MYO16: variants seen among roughly 807,000 people sequenced by gnomAD.
The protein encoded by MYO16 is unconventional myosin-XVI.
In MYO16, 94 loss-of-function variants were observed where a neutral mutation model predicts 205.3. That is an observed-to-expected ratio of 0.46 (90% CI 0.39 to 0.54). The LOEUF is 0.54. Ranked by LOEUF, MYO16 falls within the 20% of genes least tolerant of loss-of-function variation. MYO16 has a pLI of 0.00. For missense variants in MYO16, 2,315 were observed against 2,387.5 expected (o/e 0.97, Z 0.63); for synonymous variants, 988 against 954.0 (o/e 1.04, Z -0.66).
In MYO16 at chr13:109,141,047, G is replaced by A; in HGVS notation, c.4835G>A (p.Cys1612Tyr). The change falls in exon 32 of 35, where the codon TGC becomes TAC. Residue 1612 changes from cysteine (C) to tyrosine (Y), a missense_variant. Transcript: ENST00000457511. This position sits in a 1 kb window ranked among gnomAD's most constrained non-coding sequence, Gnocchi z 4.1. ...PGPPPAPYRP[C>Y]AHLAFPPEPA... ...CCGCCCCCCGCGCCCTACAGGCCCT[G>A]CGCGCACTTGGCCTTCCCGCCGGAG... is the stretch of plus-strand genomic sequence containing the variant. 4.3e-6 allele frequency: 6 copies of A among 1,397,980 alleles called. No homozygotes were observed. The highest frequency in any genetic ancestry group is 5.5e-6 in the Non-Finnish European group (6 of 1,081,214). The allele number at this position is 1,397,980 out of a possible 1,614,324, so 86.6% of individuals were successfully genotyped here.
chr13:109,180,792 T>C (rs570481289), intron 34 of MYO16, among the ~76,000 whole-genome samples: 3 of 152,362 alleles, frequency 2.0e-5, no homozygotes, highest in East Asian at 3.9e-4. Context: ...TAGATTGTCC[T>C]AATCTTCCCT....
the MYO16 span, among the ~76,000 whole-genome samples, chr13:108,550,390 T>A: frequency 2.6e-5 from 4 of 152,250 alleles, no homozygotes; most frequent in Non-Finnish European, 5.9e-5. Flanking sequence ...AAACTGAGCC[T>A]CCAAGTAGTG....
chr13:108,774,310 T>C (rs1338817587), intron 4 of MYO16, among the ~76,000 whole-genome samples: 3 of 152,136 alleles, frequency 2.0e-5, no homozygotes, highest in Admixed American at 6.5e-5. Flanking sequence ...AATGATATAT[T>C]TGAGTTTCAT....
chr13:108,994,332 C>T (rs1884933966), intron 21 of MYO16, among the ~76,000 whole-genome samples: 1 of 146,684 alleles, frequency 6.8e-6, no homozygotes, highest in Non-Finnish European at 1.5e-5. Flanking sequence ...CACACACACA[C>T]ACATATATAT....
At chr13:109,117,924 A>G (rs1048889028) in intron 28 of MYO16, among the ~76,000 whole-genome samples, 2 of 152,126 alleles carry the variant, frequency 1.3e-5, no homozygotes, top group African/African-American at 4.8e-5. Context: ...GAGAATTTCC[A>G]TGTTTTTCCT....
chr13:108,638,675 T>G (rs912573782), intron 1 of MYO16, among the ~76,000 whole-genome samples: 2 of 152,296 alleles, frequency 1.3e-5, no homozygotes, highest in Admixed American at 1.3e-4. Context: ...TTTTAATCAT[T>G]CACTCACGCC....
chr13:108,568,024 G>A, the MYO16 span, among the ~76,000 whole-genome samples: 1 of 152,064 alleles, frequency 6.6e-6, no homozygotes, highest in Non-Finnish European at 1.5e-5. Context: ...TCCATGTTGT[G>A]GAATGGATCA....
intron 16 of MYO16, among the ~76,000 whole-genome samples, chr13:108,915,471 T>C (rs1260607586): frequency 6.6e-6 from 1 of 152,230 alleles, no homozygotes; most frequent in Non-Finnish European, 1.5e-5. Flanking sequence ...TCTTCCTATA[T>C]TGACTGCTTC....
chr13:108,583,767 CA>C, the MYO16 span, among the ~76,000 whole-genome samples: 1 of 152,220 alleles, frequency 6.6e-6, no homozygotes, highest in East Asian at 1.9e-4. Context: ...ATTTGGAAAG[CA>C]AGATAAGCAA....
chr13:108,882,565 G>GCAATAAT (rs1879667431), intron 12 of MYO16, among the ~76,000 whole-genome samples: 1 of 152,064 alleles, frequency 6.6e-6, no homozygotes, highest in African/African-American at 2.4e-5. Context: ...AATCATTATG[G>GCAATAAT]CAATAATTAT....
chr13:108,960,180 T>G (rs1883527655), intron 17 of MYO16, among the ~76,000 whole-genome samples: 1 of 147,686 alleles, frequency 6.8e-6, no homozygotes, highest in Non-Finnish European at 1.5e-5. Flanking sequence ...GAGGCTGAAG[T>G]GGGAGGATCA....
At chr13:108,605,100 A>G (rs1156301164) in intron 1 of MYO16, among the ~76,000 whole-genome samples, 1 of 152,184 alleles carries the variant, frequency 6.6e-6, no homozygotes, top group Non-Finnish European at 1.5e-5. Flanking sequence ...AAGCCCTTGT[A>G]TCCTTTATCA....
chr13:109,175,587 A>C (rs1054672597), intron 33 of MYO16, among the ~76,000 whole-genome samples: 3 of 152,176 alleles, frequency 2.0e-5, no homozygotes, highest in Non-Finnish European at 2.9e-5. Flanking sequence ...AATGGACCAA[A>C]AGCTCAACTT....
At chr13:108,713,219 G>T (rs1401106876) in intron 3 of MYO16, among the ~76,000 whole-genome samples, 1 of 152,018 alleles carries the variant, frequency 6.6e-6, no homozygotes, top group East Asian at 1.9e-4. Flanking sequence ...TATTAGATTC[G>T]TGTGCAAGAA....
the MYO16 span, among the ~76,000 whole-genome samples, chr13:108,585,533 C>A: frequency 6.6e-6 from 1 of 152,044 alleles, no homozygotes; most frequent in Admixed American, 6.6e-5. Context: ...GTGCCTGGCT[C>A]TTAGTTGATT....
At chr13:108,796,417 G>C (rs1490440302) in intron 6 of MYO16, among the ~76,000 whole-genome samples, 2 of 152,148 alleles carry the variant, frequency 1.3e-5, no homozygotes, top group Non-Finnish European at 2.9e-5. Context: ...CCATTACTGG[G>C]TGTATACCCA....
chr13:108,814,949 A>G (rs966226710), intron 7 of MYO16, among the ~76,000 whole-genome samples: 1 of 152,200 alleles, frequency 6.6e-6, no homozygotes, highest in Admixed American at 6.5e-5. Context: ...AGAAATGAAA[A>G]TGAAAGGCAA....
At chr13:108,532,460 G>A in the MYO16 span, among the ~76,000 whole-genome samples, 1 of 151,050 alleles carries the variant, frequency 6.6e-6, no homozygotes, top group Non-Finnish European at 1.5e-5. Flanking sequence ...TGAGAAGAGA[G>A]AGTGTGGTAA....
chr13:108,826,090 A>T (rs890108534), intron 9 of MYO16, among the ~76,000 whole-genome samples: 1 of 152,128 alleles, frequency 6.6e-6, no homozygotes, highest in Admixed American at 6.6e-5. Flanking sequence ...AAAATCACAT[A>T]ACAATTCAAG....
Sources: allele counts gnomAD v4.1 joint callset (sites outside exome capture counted in the v4.1 genomes callset), GRCh38; gene constraint gnomAD v4.1.1; non-coding constraint Gnocchi (gnomAD v3.1); transcripts MANE v1.5; gene names NCBI Gene and HGNC (gene_info 2026-07-23, HGNC 2026-07-21).